Variants in AGBL1 observed in about 807,000 individuals in gnomAD.
AGBL1 encodes cytosolic carboxypeptidase 4.
AGBL1 carries 130 observed loss-of-function variants against 118.9 expected under a neutral mutation model. The ratio of observed to expected loss-of-function variants is 1.09; its 90% CI spans 0.95 to 1.26. AGBL1 has a LOEUF of 1.26. AGBL1 is among the 50% of genes most tolerant of loss of function. AGBL1 has a pLI of 0.00. For synonymous variants in AGBL1, 555 were observed against 478.9 expected, an observed-to-expected ratio of 1.16 and a Z score of -2.08; for missense variants, 1,584 against 1,298.1, an observed-to-expected ratio of 1.22 and a Z score of -3.38.
chr15:86,292,244 A>G (rs1373243564), intron 16 of AGBL1, among the ~76,000 whole-genome samples: 2 of 152,196 alleles, frequency 1.3e-5, no homozygotes, highest in Non-Finnish European at 2.9e-5. Context: ...AAAGAATTAG[A>G]TAAGAGAATC....
At chr15:86,276,883 A>C (rs985519695) in intron 15 of AGBL1, among the ~76,000 whole-genome samples, 42 of 152,204 alleles carry the variant, frequency 2.8e-4, no homozygotes, top group South Asian at 2.1e-4. Flanking sequence ...ACTGAACTGT[A>C]GCAAGCCAGG....
At chr15:87,016,846 C>G (rs2081612099) in intron 24 of AGBL1, among the ~76,000 whole-genome samples, 1 of 152,124 alleles carries the variant, frequency 6.6e-6, no homozygotes, top group South Asian at 2.1e-4. Flanking sequence ...TCAGGGATCC[C>G]CTTCTAAGCC....
At chr15:86,825,930 TAGATAGAC>T (rs1040412830) in intron 22 of AGBL1, among the ~76,000 whole-genome samples, 2 of 118,140 alleles carry the variant, frequency 1.7e-5, no homozygotes, top group African/African-American at 6.0e-5. Flanking sequence ...GATAGATAGA[TAGATAGAC>T]AGATGAGATA....
At chr15:86,102,007 G>A (rs182890620) in intron 1 of AGBL1, among the ~76,000 whole-genome samples, 38 of 149,618 alleles carry the variant, frequency 2.5e-4, no homozygotes, top group African/African-American at 9.0e-4. Context: ...GTTTTCTGTC[G>A]CAGTAACATT....
At chr15:86,269,330 C>T (rs896073873) in intron 13 of AGBL1, among the ~76,000 whole-genome samples, 2 of 152,166 alleles carry the variant, frequency 1.3e-5, no homozygotes, top group African/African-American at 2.4e-5. Flanking sequence ...TAGACACTTC[C>T]ATTTTCCGTA....
At chr15:86,237,094 T>G (rs955405820) in intron 6 of AGBL1, among the ~76,000 whole-genome samples, 3 of 152,146 alleles carry the variant, frequency 2.0e-5, no homozygotes, top group Admixed American at 2.0e-4. Context: ...AAGCCGGGCC[T>G]TTCCTGCTAG....
chr15:86,982,201 T>C lies in AGBL1; in HGVS notation c.3222-5786T>C, dbSNP rs1219507048. On this transcript the variant is annotated intron_variant, in intron 23 of 24. Coordinates refer to the AGBL1 transcript ENST00000441037. Reference sequence around the variant, plus strand: ...TTCTTTATATTTAATCATATAGTTATATCATCCCAAATAATAGGCAGAATG... The same window carrying C: ...TTCTTTATATTTAATCATATAGTTACATCATCCCAAATAATAGGCAGAATG... Among the ~76,000 whole-genome samples the C allele has an allele frequency of 3.3e-5, 5 of 152,170 alleles. No individual in the cohort carries two copies. In the East Asian group the frequency reaches 7.7e-4, roughly 23 times the overall value.
At chr15:86,624,126 C>T (rs557087383) in intron 21 of AGBL1, among the ~76,000 whole-genome samples, 5 of 152,196 alleles carry the variant, frequency 3.3e-5, no homozygotes, top group Non-Finnish European at 5.9e-5. Context: ...GTGTGAATAG[C>T]ATCATCTAAT....
intron 18 of AGBL1, among the ~76,000 whole-genome samples, chr15:86,471,418 G>C (rs7174126): frequency 0.52 from 78,380 of 151,210 alleles, 20,824 homozygotes; most frequent in Middle Eastern, 0.61. Flanking sequence ...GTGTTTGACT[G>C]TTTCAATGTG....
intron 19 of AGBL1, among the ~76,000 whole-genome samples, chr15:86,541,516 C>T (rs1322335769): frequency 2.7e-5 from 4 of 148,968 alleles, no homozygotes; most frequent in Non-Finnish European, 5.9e-5. Context: ...AACCTGAGCC[C>T]AGGATCTCGA....
chr15:86,921,487 G>C (rs944044918), intron 23 of AGBL1, among the ~76,000 whole-genome samples: 1 of 152,160 alleles, frequency 6.6e-6, no homozygotes, highest in Admixed American at 6.5e-5. Flanking sequence ...CTTGGCTATT[G>C]TTTTGAGCTA....
intron 17 of AGBL1, among the ~76,000 whole-genome samples, chr15:86,314,259 A>ACC (rs1300433944): frequency 6.6e-6 from 1 of 152,208 alleles, no homozygotes; most frequent in Non-Finnish European, 1.5e-5. Context: ...AAGAGGAGTT[A>ACC]CCACACCTAA....
At chr15:86,104,106 G>A (rs1332676422) in intron 1 of AGBL1, among the ~76,000 whole-genome samples, 1 of 152,210 alleles carries the variant, frequency 6.6e-6, no homozygotes, top group African/African-American at 2.4e-5. Context: ...TCAATCCCAT[G>A]AGAGGAGTGC....
intron 22 of AGBL1, among the ~76,000 whole-genome samples, chr15:86,696,621 C>G (rs568568858): frequency 6.6e-6 from 1 of 151,430 alleles, no homozygotes; most frequent in South Asian, 2.1e-4. Context: ...GGTACTATTC[C>G]GTTCATTGGG....
intron 21 of AGBL1, among the ~76,000 whole-genome samples, chr15:86,607,865 T>C (rs772442298): frequency 1.3e-5 from 2 of 152,164 alleles, no homozygotes; most frequent in Non-Finnish European, 2.9e-5. Context: ...TTTGTGTTTC[T>C]CAAGCTGGGG....
At chr15:86,813,947 G>C (rs1307638239) in intron 22 of AGBL1, among the ~76,000 whole-genome samples, 7 of 152,254 alleles carry the variant, frequency 4.6e-5, no homozygotes, top group African/African-American at 1.7e-4. Flanking sequence ...GAAGTGAGTA[G>C]ATACCAGGTT....
chr15:86,946,448 T>C (rs2080822233), intron 23 of AGBL1: 1 of 152,178 alleles, frequency 6.6e-6, no homozygotes, highest in Admixed American at 6.5e-5. Context: ...CTACTTAATT[T>C]ATCCTTTCCA....
chr15:86,572,263 C>T (rs1041838034), intron 21 of AGBL1, among the ~76,000 whole-genome samples: 19 of 152,166 alleles, frequency 1.2e-4, no homozygotes, highest in Non-Finnish European at 2.5e-4. Flanking sequence ...GCTGCAGCTG[C>T]ACCTGTGGAG....
At chr15:86,807,481 C>CT (rs200541772) in intron 22 of AGBL1, among the ~76,000 whole-genome samples, 5,038 of 147,092 alleles carry the variant, frequency 0.034, 99 homozygotes, top group Admixed American at 0.049. Context: ...CAGAAAAGAA[C>CT]TTTTTTTTTT....
Sources: gnomAD v4.1 joint callset for allele counts (sites outside exome capture counted in the v4.1 genomes callset) on GRCh38, gnomAD v4.1.1 for gene constraint, MANE v1.5 for transcripts, NCBI Gene and HGNC (gene_info 2026-07-23, HGNC 2026-07-21) for gene names.